The following OPCML variants were observed in gnomAD, a reference collection of about 807,000 sequenced individuals.
The protein encoded by OPCML is opioid-binding protein/cell adhesion molecule.
Under a neutral mutation model 37.8 loss-of-function variants are expected in OPCML, and 13 were observed. The observed-to-expected ratio is 0.34, with a 90% CI of 0.22 to 0.55. OPCML has a LOEUF of 0.55. Ranked by LOEUF, OPCML falls within the 20% of genes least tolerant of loss-of-function variation. The pLI is 0.91. For synonymous variants in OPCML, 176 were observed against 168.8 expected (o/e 1.04, Z -0.33); for missense variants, 341 against 435.6 (o/e 0.78, Z 1.93).
At chr11:133,397,199 C>G (rs1250349734) in intron 1 of OPCML, among the ~76,000 whole-genome samples, 1 of 152,134 alleles carries the variant, frequency 6.6e-6, no homozygotes, top group Non-Finnish European at 1.5e-5. Flanking sequence ...GCAGTCTTCC[C>G]CAGTTGGGCT....
Position 133,262,300 on chromosome 11 carries a change from T to C in OPCML, c.61+269964A>G, listed in dbSNP as rs148325690. ...CTGTTCTCCAGGATAAATGGGCGAA[T>C]GCATTCAGAATGCTTAGAAACATTC... is the stretch of plus-strand genomic sequence containing the variant. On this transcript the variant is annotated intron_variant, in intron 1 of 7. Coordinates refer to ENST00000524381, the MANE Select transcript of OPCML (RefSeq NM_001012393.5). 6.3e-3 allele frequency among the ~76,000 whole-genome samples: 957 copies of C among 152,310 alleles called. 9 individuals carry two copies. The highest frequency in any genetic ancestry group is 0.022 in the African/African-American group (898 of 41,560).
intron 1 of OPCML, among the ~76,000 whole-genome samples, chr11:132,945,722 C>T (rs191170322): frequency 1.4e-3 from 217 of 150,848 alleles, no homozygotes; most frequent in African/African-American, 5.2e-3. Flanking sequence ...AACACAAACA[C>T]GTTGTACAGT....
intron 4 of OPCML, among the ~76,000 whole-genome samples, chr11:132,498,787 TG>T (rs5795784): frequency 0.5 from 75,266 of 150,650 alleles, 19,326 homozygotes; most frequent in East Asian, 0.8. Context: ...CAAGTCCTGA[TG>T]GTTTTAAAAT....
At chr11:133,303,609 G>A (rs1942838070) in intron 1 of OPCML, among the ~76,000 whole-genome samples, 1 of 152,148 alleles carries the variant, frequency 6.6e-6, no homozygotes, top group South Asian at 2.1e-4. Flanking sequence ...GTCTGATGTC[G>A]AATGAGACTT....
chr11:132,779,513 T>C (rs1164458085), intron 2 of OPCML, among the ~76,000 whole-genome samples: 1 of 151,508 alleles, frequency 6.6e-6, no homozygotes, highest in Non-Finnish European at 1.5e-5. Flanking sequence ...CTTCAAAGAT[T>C]TTATTATATT....
intron 1 of OPCML, among the ~76,000 whole-genome samples, chr11:133,390,295 T>TA (rs1945141588): frequency 1.3e-5 from 2 of 150,844 alleles, no homozygotes; most frequent in South Asian, 2.1e-4. Flanking sequence ...CCGTCTCTAC[T>TA]AAAAATACAA....
At chr11:133,289,868 G>A (rs1157659353) in intron 1 of OPCML, among the ~76,000 whole-genome samples, 1 of 152,066 alleles carries the variant, frequency 6.6e-6, no homozygotes, top group African/African-American at 2.4e-5. Context: ...TCATATAACT[G>A]AAGGGTGCTG....
intron 4 of OPCML, among the ~76,000 whole-genome samples, chr11:132,473,051 C>A (rs2096142987): frequency 6.6e-6 from 1 of 152,188 alleles, no homozygotes; most frequent in African/African-American, 2.4e-5. Flanking sequence ...CCATATTAAG[C>A]ATCTGGTTAG....
chr11:133,274,233 A>C (rs566019911), intron 1 of OPCML, among the ~76,000 whole-genome samples: 2 of 152,182 alleles, frequency 1.3e-5, no homozygotes, highest in South Asian at 4.1e-4. Context: ...GCTGTGTTGA[A>C]GTCCTATTAC....
chr11:132,692,073 C>G (rs547937853), intron 2 of OPCML, among the ~76,000 whole-genome samples: 1 of 152,130 alleles, frequency 6.6e-6, no homozygotes, highest in African/African-American at 2.4e-5. Flanking sequence ...AGCACCTGCT[C>G]CCCGACTGAT....
chr11:133,118,047 G>T, intron 1 of OPCML: 1 of 666,356 alleles, frequency 1.5e-6, no homozygotes, highest in Non-Finnish European at 1.9e-6. Flanking sequence ...TTCCCCAGCA[G>T]GTGAAACACT....
chr11:133,186,403 G>A (rs969618664), intron 1 of OPCML, among the ~76,000 whole-genome samples: 7 of 151,044 alleles, frequency 4.6e-5, no homozygotes, highest in African/African-American at 9.7e-5. Context: ...TGGGAAAAGC[G>A]ATTCAAATTC....
chr11:132,867,921 G>A (rs1164358352), intron 2 of OPCML, among the ~76,000 whole-genome samples: 1 of 152,144 alleles, frequency 6.6e-6, no homozygotes, highest in Non-Finnish European at 1.5e-5. Flanking sequence ...AAGTGAAGAA[G>A]GTCATAGAAA....
chr11:133,499,313 C>T (rs945191175), intron 1 of OPCML, among the ~76,000 whole-genome samples: 15 of 152,304 alleles, frequency 9.8e-5, no homozygotes, highest in Admixed American at 2.0e-4. Context: ...ACATCTCCAT[C>T]GCATTCCCAA....
At chr11:133,392,765 T>C (rs540688645) in intron 1 of OPCML, among the ~76,000 whole-genome samples, 4 of 152,356 alleles carry the variant, frequency 2.6e-5, no homozygotes, top group Admixed American at 2.0e-4. Context: ...GTCCATACAT[T>C]GCAAAATGTG....
At chr11:133,291,836 T>A (rs1942485758) in intron 1 of OPCML, among the ~76,000 whole-genome samples, 1 of 152,208 alleles carries the variant, frequency 6.6e-6, no homozygotes, top group African/African-American at 2.4e-5. Flanking sequence ...GTGGTTCTTT[T>A]CAAGCTGCCC....
At chr11:132,995,022 C>A (rs1264222980) in intron 1 of OPCML, among the ~76,000 whole-genome samples, 2 of 152,160 alleles carry the variant, frequency 1.3e-5, no homozygotes, top group Non-Finnish European at 2.9e-5. Context: ...ACTATGAAAC[C>A]CAAGCCCCTA....
At chr11:132,437,928 T>C (rs947943672) in intron 4 of OPCML, among the ~76,000 whole-genome samples, 2 of 152,192 alleles carry the variant, frequency 1.3e-5, no homozygotes, top group Non-Finnish European at 2.9e-5. Context: ...TGAGAATGAA[T>C]GAACGAGGAA....
chr11:133,258,365 G>A (rs1156880060), intron 1 of OPCML, among the ~76,000 whole-genome samples: 1 of 152,128 alleles, frequency 6.6e-6, no homozygotes, highest in Non-Finnish European at 1.5e-5. Context: ...TGAGTTTTAT[G>A]GACAAGCATA....
Sources: allele counts gnomAD v4.1 joint callset (sites outside exome capture counted in the v4.1 genomes callset), GRCh38; gene constraint gnomAD v4.1.1; transcripts MANE v1.5; gene names NCBI Gene and HGNC (gene_info 2026-07-23, HGNC 2026-07-21).